DPP10: variants seen among roughly 807,000 people sequenced by gnomAD.
DPP10 encodes dipeptidyl peptidase like 10.
In DPP10, 33 loss-of-function variants were observed where a neutral mutation model predicts 120.9. The observed-to-expected ratio is 0.27, with a 90% CI of 0.21 to 0.37. The LOEUF (loss-of-function observed/expected upper bound fraction) is 0.37, where lower values mean the gene tolerates loss of function less well. Ranked by LOEUF, DPP10 falls within the 10% of genes least tolerant of loss-of-function variation. DPP10 has a pLI of 1.00. For missense variants in DPP10, 816 were observed against 942.8 expected (o/e 0.87, Z 1.76); for synonymous variants, 337 against 326.1 (o/e 1.03, Z -0.36).
chr2:115,424,721 G>A (rs1270184202), intron 3 of DPP10, among the ~76,000 whole-genome samples: 1 of 152,102 alleles, frequency 6.6e-6, no homozygotes, highest in Non-Finnish European at 1.5e-5. Context: ...ACAATGGGAT[G>A]ATTAAAAATG....
chr2:114,658,012 G>A (rs1462889498), intron 1 of DPP10, among the ~76,000 whole-genome samples: 5 of 152,102 alleles, frequency 3.3e-5, no homozygotes, highest in Non-Finnish European at 5.9e-5. Context: ...AAAGTGTTGT[G>A]TGATTTAAAT....
intron 5 of DPP10, among the ~76,000 whole-genome samples, chr2:115,666,383 C>T (rs2089455152): frequency 6.6e-6 from 1 of 152,144 alleles, no homozygotes; most frequent in Non-Finnish European, 1.5e-5. Context: ...CTTGTAAAAT[C>T]ATCAGATCTC....
chr2:114,910,230 T>C (rs1480833378), intron 1 of DPP10, among the ~76,000 whole-genome samples: 8 of 151,920 alleles, frequency 5.3e-5, no homozygotes, highest in Non-Finnish European at 1.2e-4. Flanking sequence ...TAATATTACA[T>C]ATCAAAACAT....
At chr2:115,178,316 A>C (rs963344087) in intron 1 of DPP10, among the ~76,000 whole-genome samples, 7 of 152,168 alleles carry the variant, frequency 4.6e-5, no homozygotes, top group Non-Finnish European at 2.9e-5. Flanking sequence ...CTAGGGGCAG[A>C]CAATCCAGGT....
intron 1 of DPP10, among the ~76,000 whole-genome samples, chr2:114,901,130 A>G (rs552662498): frequency 2.6e-5 from 4 of 152,298 alleles, no homozygotes; most frequent in African/African-American, 9.6e-5. Flanking sequence ...CAAAAAGTCT[A>G]TGGAAAAAAT....
At position 114,754,525 on chromosome 2, in the gene DPP10, A is replaced by G. The variant is rs928169819; in HGVS notation, c.60+311687A>G. Among the ~76,000 whole-genome samples, 8 of 152,208 alleles carry G rather than the reference A, an allele frequency of 5.3e-5. No individual in the cohort carries two copies. In the East Asian group the frequency reaches 7.7e-4, roughly 15 times the overall value. On this transcript the variant is annotated intron_variant, in intron 1 of 25. Coordinates refer to ENST00000410059, the MANE Select transcript of DPP10 (RefSeq NM_020868.6). The stretch of plus-strand genomic sequence containing the variant: ...TAGTTATTTTTCTTTCTTTAAGTCA[A>G]TGACTCTCTTTGATGGTGGCTGCAC...
Position 115,229,196 on chromosome 2 carries a change from A to C in DPP10, c.61-80043A>C, listed in dbSNP as rs551547706. On this transcript the variant is annotated intron_variant, in intron 1 of 25. Coordinates refer to ENST00000410059, the MANE Select transcript of DPP10 (RefSeq NM_020868.6). ...TCTTCTTTTAAGAGGTGTCTATTAG[A>C]TCTTCGCCCATTTTTAATTGCATTA... Among the ~76,000 whole-genome samples, 6 of 152,130 alleles carry C rather than the reference A, an allele frequency of 3.9e-5. 1 individual carries two copies. The South Asian group carries it at 1.2e-3, about 32-fold the overall frequency.
At chr2:114,452,881 T>C (rs899557202) in intron 1 of DPP10, among the ~76,000 whole-genome samples, 2 of 152,152 alleles carry the variant, frequency 1.3e-5, no homozygotes, top group Admixed American at 1.3e-4. Flanking sequence ...AGTTCCATAA[T>C]TGGCCTGCAG....
intron 3 of DPP10, among the ~76,000 whole-genome samples, chr2:115,383,048 A>G (rs879926572): frequency 1.4e-4 from 21 of 152,228 alleles, no homozygotes; most frequent in Non-Finnish European, 2.8e-4. Flanking sequence ...TGTTCCAGAA[A>G]AGAATCTAGA....
In DPP10 at chr2:115,678,188, C is replaced by G. The variant is rs569525375; in HGVS notation, c.442-11499C>G. 1.4e-3 allele frequency among the ~76,000 whole-genome samples: 213 copies of G among 152,278 alleles called. 1 individual carries two copies. The highest frequency in any genetic ancestry group is 2.2e-3 in the Non-Finnish European group (149 of 68,018). ...GAAATTTGCATAAGTAATGGGGAGC[C>G]AAATGTTAATCACCAAGGCAATGGG... On this transcript the variant is annotated intron_variant, in intron 5 of 25. Transcript: ENST00000410059.
chr2:115,261,466 C>T (rs1221260755), intron 1 of DPP10, among the ~76,000 whole-genome samples: 1 of 152,172 alleles, frequency 6.6e-6, no homozygotes, highest in African/African-American at 2.4e-5. Flanking sequence ...TCCCATTTGG[C>T]CTTCAGCATT....
chr2:115,091,831 C>A (rs1009031063), intron 1 of DPP10, among the ~76,000 whole-genome samples: 7 of 152,140 alleles, frequency 4.6e-5, no homozygotes, highest in Middle Eastern at 3.2e-3. Flanking sequence ...GGCTTTATAG[C>A]CTATTTGTTG....
At chr2:115,401,727 A>C (rs2068086833) in intron 3 of DPP10, among the ~76,000 whole-genome samples, 1 of 152,176 alleles carries the variant, frequency 6.6e-6, no homozygotes, top group African/African-American at 2.4e-5. Flanking sequence ...ACACATACAC[A>C]GAAATATAAA....
intron 1 of DPP10, among the ~76,000 whole-genome samples, chr2:114,916,510 A>G (rs1694814121): frequency 6.6e-6 from 1 of 152,126 alleles, no homozygotes; most frequent in African/African-American, 2.4e-5. Flanking sequence ...CCTGACACAG[A>G]CACAAGAACA....
At chr2:115,564,405 G>A (rs998523493) in intron 5 of DPP10, among the ~76,000 whole-genome samples, 4 of 151,986 alleles carry the variant, frequency 2.6e-5, no homozygotes, top group Non-Finnish European at 5.9e-5. Flanking sequence ...TTTCCATTTG[G>A]AAGTCTATTT....
At chr2:114,765,483 A>T (rs1246989899) in intron 1 of DPP10, among the ~76,000 whole-genome samples, 1 of 152,184 alleles carries the variant, frequency 6.6e-6, no homozygotes, top group African/African-American at 2.4e-5. Context: ...AAGTACAACA[A>T]ATACGAGAGA....
intron 3 of DPP10, among the ~76,000 whole-genome samples, chr2:115,354,021 A>C (rs11674301): frequency 6.6e-6 from 1 of 151,984 alleles, no homozygotes; most frequent in Non-Finnish European, 1.5e-5. Context: ...TTTTATTGGA[A>C]TGTTTAGATA....
At chr2:115,519,763 C>G (rs1040141837) in intron 4 of DPP10, among the ~76,000 whole-genome samples, 1 of 152,146 alleles carries the variant, frequency 6.6e-6, no homozygotes, top group African/African-American at 2.4e-5. Flanking sequence ...TTCTTTTCAA[C>G]TAGATCGTAA....
intron 1 of DPP10, among the ~76,000 whole-genome samples, chr2:115,137,701 A>G (rs2050720467): frequency 6.6e-6 from 1 of 152,194 alleles, no homozygotes. Flanking sequence ...CCCCAATGGG[A>G]GAAATTGTTA....
Sources: allele counts gnomAD v4.1 joint callset (sites outside exome capture counted in the v4.1 genomes callset), GRCh38; gene constraint gnomAD v4.1.1; transcripts MANE v1.5; gene names NCBI Gene and HGNC (gene_info 2026-07-23, HGNC 2026-07-21).